Variants in STK33 observed in about 807,000 individuals in gnomAD.
The protein encoded by STK33 is serine/threonine kinase 33.
A neutral mutation model predicts 58.0 loss-of-function variants in STK33; 52 were observed. The observed-to-expected ratio is 0.90, with a 90% CI of 0.72 to 1.13. The LOEUF (loss-of-function observed/expected upper bound fraction) is 1.13, where lower values mean the gene tolerates loss of function less well. Ranked by LOEUF, STK33 falls within the 50% of genes most tolerant of loss-of-function variation. The probability of loss-of-function intolerance (pLI) is 0.00; values close to 1 mark genes in which losing one functional copy is unlikely to be tolerated. For missense variants in STK33, 630 were observed against 604.2 expected, an observed-to-expected ratio of 1.04 and a Z score of -0.45; for synonymous variants, 215 against 200.1, an observed-to-expected ratio of 1.07 and a Z score of -0.63.
intron 1 of STK33, among the ~76,000 whole-genome samples, chr11:8,514,021 T>C: frequency 6.6e-6 from 1 of 152,120 alleles, no homozygotes; most frequent in South Asian, 2.1e-4. Context: ...TCCATGAGTT[T>C]ACTTGTCTTA....
the STK33 span, among the ~76,000 whole-genome samples, chr11:8,365,145 C>A: frequency 2.0e-5 from 3 of 152,228 alleles, no homozygotes; most frequent in Non-Finnish European, 4.4e-5. Context: ...TGAGGTCACA[C>A]AGAGAGTCAA....
At chr11:8,511,101 T>C (rs1177052628) in intron 1 of STK33, among the ~76,000 whole-genome samples, 1 of 152,232 alleles carries the variant, frequency 6.6e-6, no homozygotes, top group African/African-American at 2.4e-5. Flanking sequence ...TTTCACAATA[T>C]TGATTCTACC....
intron 1 of STK33, chr11:8,593,829 A>G (rs1326663003): frequency 3.3e-5 from 5 of 152,360 alleles, no homozygotes; most frequent in Non-Finnish European, 5.9e-5. Context: ...GAACCGGGGC[A>G]GACAGAGACC....
chr11:8,547,283 C>T (rs1365303858), intron 1 of STK33, among the ~76,000 whole-genome samples: 4 of 152,158 alleles, frequency 2.6e-5, no homozygotes, highest in Non-Finnish European at 5.9e-5. Flanking sequence ...GGTGCAATCT[C>T]GGCTCACTGA....
chr11:8,343,709 C>G, the STK33 span, among the ~76,000 whole-genome samples: 14 of 152,248 alleles, frequency 9.2e-5, no homozygotes, highest in Non-Finnish European at 2.1e-4. Context: ...CCAGCACCCC[C>G]TCTCCAATCT....
chr11:8,440,946 A>G (rs1944668389), intron 11 of STK33, among the ~76,000 whole-genome samples, 193 bp from the exon 12 acceptor site: 2 of 152,226 alleles, frequency 1.3e-5, no homozygotes, highest in Admixed American at 1.3e-4. Flanking sequence ...CACTCCTATC[A>G]TTTAGCTTCT....
At chr11:8,426,321 T>C (rs1225403005) in intron 14 of STK33, among the ~76,000 whole-genome samples, 2 of 152,228 alleles carry the variant, frequency 1.3e-5, no homozygotes, top group East Asian at 1.9e-4. Context: ...GCTGGCCCTA[T>C]GCCGCGGAGT....
chr11:8,385,965 A>G, the STK33 span, among the ~76,000 whole-genome samples: 41 of 151,570 alleles, frequency 2.7e-4, no homozygotes, highest in Admixed American at 2.0e-3. Flanking sequence ...TAGTAGAGAC[A>G]GGGTTTCACC....
chr11:8,376,775 C>T, the STK33 span, among the ~76,000 whole-genome samples: 10 of 152,104 alleles, frequency 6.6e-5, no homozygotes, highest in African/African-American at 1.9e-4. Flanking sequence ...CTCCTAATCT[C>T]GTGATCCTCC....
chr11:8,590,708 TAAAC>T (rs1450061284), intron 1 of STK33, among the ~76,000 whole-genome samples: 2 of 152,182 alleles, frequency 1.3e-5, no homozygotes, highest in Non-Finnish European at 2.9e-5. Context: ...TTTTAGTTAA[TAAAC>T]TAAGAAAATA....
At chr11:8,447,856 T>C (rs958853160) in intron 11 of STK33, among the ~76,000 whole-genome samples, 2 of 152,210 alleles carry the variant, frequency 1.3e-5, no homozygotes, top group Non-Finnish European at 2.9e-5. Context: ...TGTCCCTGTT[T>C]GCAGATGACA....
chr11:8,482,166 G>A lies in STK33; in HGVS notation c.-465-1552C>T, dbSNP rs1358365379. On this transcript the variant is annotated intron_variant, in intron 1 of 15. Transcript: ENST00000687296. ...TCCACAGCACACAAATCCCAGACTC[G>A]TAGCCAGAACAAAAGCATTTAGAAT... Among the ~76,000 whole-genome samples, 3 of 152,194 alleles carry A rather than the reference G, an allele frequency of 2.0e-5. No homozygotes were observed. The South Asian group carries it at 6.2e-4, about 32-fold the overall frequency.
At chr11:8,399,005 C>T (rs550151604) in intron 15 of STK33, among the ~76,000 whole-genome samples, 64 of 152,276 alleles carry the variant, frequency 4.2e-4, no homozygotes, top group African/African-American at 1.5e-3. Flanking sequence ...TAGACTCCAA[C>T]ACAATAATAA....
rs368841943 is a variant in STK33, at chr11:8,451,623, A to G, written c.871+1199T>C. ...CTGGGATAGGAATAAGATTGAGTAT[A>G]AACGAGCTGAGGGAACTTTTTGGAG... On this transcript the variant is annotated intron_variant, in intron 11 of 15. Coordinates refer to ENST00000687296, the MANE Select transcript of STK33 (RefSeq NM_001352389.2). Among the ~76,000 whole-genome samples the G allele has an allele frequency of 1.9e-3, 293 of 152,326 alleles. 2 individuals carry two copies. The highest frequency in any genetic ancestry group is 6.7e-3 in the African/African-American group (278 of 41,572).
chr11:8,553,182 A>G (rs1956442522), intron 1 of STK33, among the ~76,000 whole-genome samples: 2 of 76,286 alleles, frequency 2.6e-5, no homozygotes, highest in South Asian at 8.9e-4. Flanking sequence ...ATATATATAT[A>G]TATATATATA....
chr11:8,554,219 A>T (rs916574804), intron 1 of STK33, among the ~76,000 whole-genome samples: 3 of 152,076 alleles, frequency 2.0e-5, no homozygotes, highest in African/African-American at 7.2e-5. Flanking sequence ...GGAGATCAAG[A>T]CCATCCTGGC....
chr11:8,434,945 G>T (rs1332763273), intron 14 of STK33, among the ~76,000 whole-genome samples: 2 of 152,192 alleles, frequency 1.3e-5, no homozygotes, highest in Non-Finnish European at 2.9e-5. Flanking sequence ...CTTTTCCAAA[G>T]TTCCTGCTGT....
At chr11:8,511,307 C>A (rs1952302051) in intron 1 of STK33, among the ~76,000 whole-genome samples, 1 of 152,120 alleles carries the variant, frequency 6.6e-6, no homozygotes, top group Non-Finnish European at 1.5e-5. Flanking sequence ...TGGTGTATAG[C>A]AGTCCTACTG....
At chr11:8,413,767 A>G (rs900733782) in intron 14 of STK33, 75 bp from the exon 15 acceptor site, 1 of 1,310,216 alleles carries the variant, frequency 7.6e-7, no homozygotes, top group Non-Finnish European at 1.1e-6. Flanking sequence ...ATTTAGCGAG[A>G]CAGTCTCCCA....
Sources: allele counts gnomAD v4.1 joint callset (sites outside exome capture counted in the v4.1 genomes callset), GRCh38; gene constraint gnomAD v4.1.1; transcripts MANE v1.5; gene names NCBI Gene and HGNC (gene_info 2026-07-23, HGNC 2026-07-21).